Variants in SLC52A3 observed in about 807,000 individuals in gnomAD.
SLC52A3 encodes the protein solute carrier family 52, riboflavin transporter, member 3.
In SLC52A3, 20 loss-of-function variants were observed where a neutral mutation model predicts 29.5. The observed-to-expected ratio is 0.68, with a 90% CI of 0.48 to 0.99. The LOEUF (loss-of-function observed/expected upper bound fraction) is 0.99, where lower values mean the gene tolerates loss of function less well. SLC52A3 is among the 50% of genes least tolerant of loss of function. The pLI is 0.00. For missense variants in SLC52A3, 548 were observed against 612.9 expected, an observed-to-expected ratio of 0.89 and a Z score of 1.12; for synonymous variants, 301 against 271.0, an observed-to-expected ratio of 1.11 and a Z score of -1.09.
At chr20:773,611 T>C (rs760776578) in intron 1 of SLC52A3, among the ~76,000 whole-genome samples, 1 of 152,062 alleles carries the variant, frequency 6.6e-6, no homozygotes, top group Non-Finnish European at 1.5e-5. Context: ...CAGGAGAAGC[T>C]GAGAGAGGCT....
chr20:760,745 T>A lies in SLC52A3; in HGVS notation c.*281A>T. The A allele has an allele frequency of 2.0e-6, 1 of 511,748 alleles. No homozygotes were observed. The highest frequency in any genetic ancestry group is 3.5e-6 in the Non-Finnish European group (1 of 285,962). The allele number at this position is 511,748 out of a possible 1,614,324, so 31.7% of individuals were successfully genotyped here. ...CCCAGCTGTTTCCCTTCTAACACCCTTGGGCCTGCCTCCAGCTAGATGCTG... is the reference window on the plus strand; with the variant it reads ...CCCAGCTGTTTCCCTTCTAACACCCATGGGCCTGCCTCCAGCTAGATGCTG... On this transcript the variant is annotated 3_prime_UTR_variant, in exon 5 of 5. Transcript: ENST00000645534. The surrounding 1 kb of genome is among the most constrained non-coding windows in gnomAD (Gnocchi z 4.9).
chr20:772,596 T>C (rs1009056244), upstream of SLC52A3, among the ~76,000 whole-genome samples: 1 of 151,944 alleles, frequency 6.6e-6, no homozygotes, highest in Non-Finnish European at 1.5e-5. Context: ...TGTTTTTTTT[T>C]TTTTTGTTGT....
At chr20:778,320 C>T (rs922147276), upstream of SLC52A3, among the ~76,000 whole-genome samples, 2 of 151,816 alleles carry the variant, frequency 1.3e-5, no homozygotes, top group African/African-American at 2.4e-5. Flanking sequence ...GGCCACCAGA[C>T]AGACTTTTAT....
chr20:765,266 G>C lies in SLC52A3; in HGVS notation c.509C>G (p.Thr170Ser). 1 of 1,614,204 alleles carries C rather than the reference G, an allele frequency of 6.2e-7. No homozygotes were observed. The highest frequency in any genetic ancestry group is 1.6e-4 in the Middle Eastern group (1 of 6,062). ...GCTTGGTACGCTGTCTGATATCTCA[G>C]TGACATTGACGCAGGTAGTGAGACC... ...GSGLTTCVNV[T>S]EISDSVPSPV... is the part of the protein sequence containing the mutation. Residue 170 changes from threonine (T) to serine (S), a missense_variant, in exon 2 of 5, where the codon ACT becomes AGT. This residue lies in a region of SLC52A3 where 375 missense variants were observed against 471.1 expected (regional missense o/e 0.80). Coordinates refer to ENST00000645534, the MANE Select transcript of SLC52A3 (RefSeq NM_033409.4). The surrounding 1 kb of genome is among the most constrained non-coding windows in gnomAD (Gnocchi z 6.6).
chr20:772,018 A>T (rs1163881926), upstream of SLC52A3, among the ~76,000 whole-genome samples: 1 of 152,234 alleles, frequency 6.6e-6, no homozygotes, highest in Non-Finnish European at 1.5e-5. Flanking sequence ...AGTTAAGGGG[A>T]GTAGGCGAAT....
chr20:775,030 CCAGTAGAAGCGGA>C (rs1986968206), intron 1 of SLC52A3, among the ~76,000 whole-genome samples: 1 of 152,226 alleles, frequency 6.6e-6, no homozygotes, highest in South Asian at 2.1e-4. Flanking sequence ...CTCAGCCTGG[CCAGTAGAAGCGGA>C]CAGTGAGTTC....
At chr20:774,823 T>C (rs747840752) in intron 1 of SLC52A3, among the ~76,000 whole-genome samples, 4 of 152,054 alleles carry the variant, frequency 2.6e-5, no homozygotes, top group Non-Finnish European at 4.4e-5. Context: ...AGAGAGGAGA[T>C]AGTGCTTCCC....
In SLC52A3 at chr20:761,227, C is replaced by T; in HGVS notation, c.1209G>A (p.Trp403Ter). Residue 403 changes from tryptophan (W) to a stop codon, truncating the protein, a stop_gained, in exon 5 of 5, where the codon TGG (tryptophan) becomes TGA (stop). Coordinates refer to ENST00000645534, the MANE Select transcript of SLC52A3 (RefSeq NM_033409.4). LOFTEE classifies it high-confidence loss of function. ...WGGEVLIVAS[W>*]VLFSGCLSYV... ...AACTGAGGCAGCCGCTGAAAAGCAC[C>T]CACGAGGCCACCTGCGGGGCCGGGA... 1 of 1,550,756 alleles carries T rather than the reference C, an allele frequency of 6.4e-7. No homozygotes were observed. Among genetic ancestry groups the T allele is most frequent in the Non-Finnish European group, 8.7e-7 (1 of 1,147,692 alleles).
intron 3 of SLC52A3, among the ~76,000 whole-genome samples, chr20:762,530 C>T (rs765789524): frequency 5.9e-5 from 9 of 152,198 alleles, no homozygotes; most frequent in African/African-American, 1.2e-4. Flanking sequence ...GACTGGTCCA[C>T]GCCCTGGGTA....
intron 1 of SLC52A3, among the ~76,000 whole-genome samples, chr20:774,153 G>A (rs1185769785): frequency 6.6e-6 from 1 of 152,234 alleles, no homozygotes; most frequent in East Asian, 1.9e-4. Context: ...CCATGGCTGG[G>A]TTCTCGCTCT....
rs1384973195 is a variant in SLC52A3, at chr20:763,898, GGAA to G, written c.670_672del (p.Phe224del). The G allele has an allele frequency of 1.9e-6, 3 of 1,614,038 alleles. No individual in the cohort carries two copies. The highest frequency in any genetic ancestry group is 2.5e-6 in the Non-Finnish European group (3 of 1,180,016). On this transcript the variant is annotated inframe_deletion, in exon 3 of 5. Coordinates refer to ENST00000645534, the MANE Select transcript of SLC52A3 (RefSeq NM_033409.4). ...CAGGCCATCATGATGGATAGGAGGAGGAAGAAGACCAGGGGTGAGAAGTGGGCG... is the reference window on the plus strand; with the variant it reads ...CAGGCCATCATGATGGATAGGAGGAGGAAGACCAGGGGTGAGAAGTGGGCG...
intron 2 of SLC52A3, 81 bp from the exon 3 acceptor site, chr20:764,084 C>A (rs774463667): frequency 1.6e-6 from 2 of 1,288,388 alleles, no homozygotes; most frequent in Non-Finnish European, 2.1e-6. Context: ...TAACAGAATA[C>A]AGATCACCTG....
At position 765,991 on chromosome 20, in the gene SLC52A3, G is replaced by A. The variant is rs1986674600; in HGVS notation, c.-51-166C>T. 4 of 581,498 alleles carry A rather than the reference G, an allele frequency of 6.9e-6. No homozygotes were observed. The highest frequency in any genetic ancestry group is 6.1e-6 in the Non-Finnish European group (2 of 327,120). 36.0% of individuals were successfully genotyped at this position (581,498 alleles called of 1,614,324 possible). On this transcript the variant is annotated intron_variant, in intron 1 of 4. Transcript: ENST00000645534. The surrounding 1 kb of genome is among the most constrained non-coding windows in gnomAD (Gnocchi z 6.6). ...TCACTCTTTTAGTCCAGGCTGGAGT[G>A]CAATGGGATGATCTCGGCTCAGTGA...
In SLC52A3 at chr20:765,472, G is replaced by T. The variant is rs137861276; in HGVS notation, c.303C>A (p.Asp101Glu). 10 of 1,602,458 alleles carry T rather than the reference G, an allele frequency of 6.2e-6. No individual in the cohort carries two copies. Among genetic ancestry groups the T allele is most frequent in the Non-Finnish European group, 8.5e-6 (10 of 1,174,480 alleles). ...CCAAGAAGGCGATGCTGTGGTGGCCGTCCAGCACCCAGGAGGTCATATTCC... is the reference window on the plus strand; with the variant it reads ...CCAAGAAGGCGATGCTGTGGTGGCCTTCCAGCACCCAGGAGGTCATATTCC... The part of the protein sequence containing the change: ...FLWNMTSWVL[D>E]GHHSIAFLVL... Residue 101 changes from aspartate to glutamate, a missense_variant, in exon 2 of 5, where the codon GAC (aspartate) becomes GAA (glutamate). Asp to Glu is a conservative substitution (Grantham distance 45). This residue lies in a region of SLC52A3 where 375 missense variants were observed against 471.1 expected (regional missense o/e 0.80). Transcript: ENST00000645534. This position sits in a 1 kb window ranked among gnomAD's most constrained non-coding sequence, Gnocchi z 6.6.
chr20:761,067 A>G lies in SLC52A3; in HGVS notation c.1369T>C (p.Phe457Leu), dbSNP rs779750163. The change falls in exon 5 of 5, where the codon TTC (phenylalanine) becomes CTC (leucine). Residue 457 changes from phenylalanine to leucine, a missense_variant. Transcript: ENST00000645534. ...MFPLVNVLRL[F>L]SSADFCNLHC... Reference sequence around the variant, plus strand: ...AGATTGCAGAAGTCCGCGGACGAGAAGAGCCGCAGCACGTTGACCAGAGGG... The same window carrying G: ...AGATTGCAGAAGTCCGCGGACGAGAGGAGCCGCAGCACGTTGACCAGAGGG... 2 of 1,610,128 alleles carry G rather than the reference A, an allele frequency of 1.2e-6. No homozygotes were observed. The highest frequency in any genetic ancestry group is 2.2e-5 in the South Asian group (2 of 90,506).
At chr20:778,969 A>G (rs1386559238), upstream of SLC52A3, among the ~76,000 whole-genome samples, 2 of 152,124 alleles carry the variant, frequency 1.3e-5, no homozygotes, top group Non-Finnish European at 2.9e-5. Flanking sequence ...AAACAGAATA[A>G]TCTTTGCTTG....
chr20:761,495 A>T, intron 4 of SLC52A3: 1 of 769,398 alleles, frequency 1.3e-6, no homozygotes, highest in Non-Finnish European at 2.1e-6. Flanking sequence ...CTGCTGAGGT[A>T]CACATGGTGG....
chr20:772,819 T>C (rs1986886161), upstream of SLC52A3, among the ~76,000 whole-genome samples: 1 of 152,108 alleles, frequency 6.6e-6, no homozygotes, highest in African/African-American at 2.4e-5. Flanking sequence ...GAATGGGGAA[T>C]GTGCCGCTGT....
Position 765,453 on chromosome 20 carries a change from A to G in SLC52A3, c.322T>C (p.Phe108Leu). 1 of 1,611,182 alleles carries G rather than the reference A, an allele frequency of 6.2e-7. No homozygotes were observed. Among genetic ancestry groups the G allele is most frequent in the East Asian group, 2.2e-5 (1 of 44,792 alleles). The change falls in exon 2 of 5, where the codon TTC becomes CTC. Residue 108 changes from phenylalanine to leucine, a missense_variant. Physicochemically the swap from Phe to Leu is conservative, Grantham distance 22. This residue lies in a region of SLC52A3 where 375 missense variants were observed against 471.1 expected (regional missense o/e 0.80). Transcript: ENST00000645534. The surrounding 1 kb of genome is among the most constrained non-coding windows in gnomAD (Gnocchi z 6.6). ...GCCAGGAAGAAGGTGAGGACCAAGA[A>G]GGCGATGCTGTGGTGGCCGTCCAGC... ...WVLDGHHSIA[F>L]LVLTFFLALV...
Sources: allele counts gnomAD v4.1 joint callset (sites outside exome capture counted in the v4.1 genomes callset), GRCh38; gene constraint gnomAD v4.1.1; regional missense constraint gnomAD v4.1.1; non-coding constraint Gnocchi (gnomAD v3.1); transcripts MANE v1.5; gene names NCBI Gene and HGNC (gene_info 2026-07-23, HGNC 2026-07-21).